SDK1: variants seen among roughly 807,000 people sequenced by gnomAD.
SDK1 encodes the protein sidekick cell adhesion molecule 1.
Under a neutral mutation model 245.5 loss-of-function variants are expected in SDK1, and 157 were observed. That is an observed-to-expected ratio of 0.64 (90% CI 0.56 to 0.73). The LOEUF (loss-of-function observed/expected upper bound fraction) is 0.73, where lower values mean the gene tolerates loss of function less well. Ranked by LOEUF, SDK1 falls within the 30% of genes least tolerant of loss-of-function variation. SDK1 has a pLI of 0.00. For missense variants in SDK1, 3,583 were observed against 3,002.3 expected (o/e 1.19, Z -4.52); for synonymous variants, 1,647 against 1,278.5 (o/e 1.29, Z -6.15).
intron 1 of SDK1, among the ~76,000 whole-genome samples, chr7:3,478,199 C>G (rs1384267420): frequency 1.3e-5 from 2 of 151,998 alleles, no homozygotes; most frequent in Admixed American, 1.3e-4. Context: ...TGGCCATTAC[C>G]TCCCCTTTAT....
intron 1 of SDK1, among the ~76,000 whole-genome samples, chr7:3,550,374 T>A (rs1354182294): frequency 1.3e-5 from 2 of 152,184 alleles, no homozygotes; most frequent in Non-Finnish European, 2.9e-5. Flanking sequence ...ATACTCACAA[T>A]CAACATACTG....
At position 3,927,248 on chromosome 7, in the gene SDK1, C is replaced by T. The variant is rs1446364975; in HGVS notation, c.848-23675C>T. On this transcript the variant is annotated intron_variant, in intron 5 of 44. Coordinates refer to ENST00000404826, the MANE Select transcript of SDK1 (RefSeq NM_152744.4). The stretch of plus-strand genomic sequence containing the variant: ...CAGAATTCTTTTCTTAAAAAAGTAA[C>T]GTTCCAAAGCAACCATATTGCTAAT... Among the ~76,000 whole-genome samples the T allele has an allele frequency of 1.6e-4, 24 of 152,200 alleles. No homozygotes were observed. The South Asian group carries it at 4.8e-3, about 30-fold the overall frequency.
At chr7:4,169,553 G>A (rs759803873) in intron 32 of SDK1, among the ~76,000 whole-genome samples, 6 of 152,144 alleles carry the variant, frequency 3.9e-5, no homozygotes, top group Admixed American at 2.6e-4. Context: ...TGAGCTCGCC[G>A]TCTCTGAGGC....
intron 5 of SDK1, among the ~76,000 whole-genome samples, chr7:3,919,301 C>T (rs759910204): frequency 9.9e-5 from 15 of 152,204 alleles, no homozygotes; most frequent in Non-Finnish European, 1.3e-4. Context: ...GGGTGCATGG[C>T]CGGCCTTGCA....
At chr7:3,756,880 C>G (rs1779947740) in intron 4 of SDK1, among the ~76,000 whole-genome samples, 1 of 152,136 alleles carries the variant, frequency 6.6e-6, no homozygotes, top group African/African-American at 2.4e-5. Flanking sequence ...ATCGGGGGCA[C>G]CGGTCATCAC....
At chr7:3,665,076 G>T (rs555744880) in intron 4 of SDK1, among the ~76,000 whole-genome samples, 6 of 152,290 alleles carry the variant, frequency 3.9e-5, no homozygotes, top group African/African-American at 1.2e-4. Context: ...ATGTAAGTCT[G>T]TAAGAAAGAG....
intron 4 of SDK1, among the ~76,000 whole-genome samples, chr7:3,787,321 T>C (rs1371812507): frequency 6.6e-6 from 1 of 152,134 alleles, no homozygotes; most frequent in Non-Finnish European, 1.5e-5. Context: ...GCATCTAAAC[T>C]CTGATTAACT....
intron 1 of SDK1, among the ~76,000 whole-genome samples, chr7:3,393,051 A>G (rs777037525): frequency 1.3e-4 from 18 of 139,970 alleles, no homozygotes; most frequent in African/African-American, 3.2e-4. Flanking sequence ...GCTCACTGCA[A>G]TCTCCGCCTC....
intron 1 of SDK1, among the ~76,000 whole-genome samples, chr7:3,414,102 CAT>C (rs1228104542): frequency 6.6e-6 from 1 of 152,048 alleles, no homozygotes; most frequent in East Asian, 1.9e-4. Context: ...CCTTGGAAGA[CAT>C]ATTTTTGCAG....
intron 1 of SDK1, among the ~76,000 whole-genome samples, chr7:3,435,496 A>G (rs1341750380): frequency 6.6e-6 from 1 of 150,544 alleles, no homozygotes; most frequent in Non-Finnish European, 1.5e-5. Flanking sequence ...ACGCCCAGCT[A>G]ATTATTATGA....
At chr7:3,867,880 C>A (rs969612278) in intron 5 of SDK1, among the ~76,000 whole-genome samples, 5 of 152,166 alleles carry the variant, frequency 3.3e-5, no homozygotes, top group Non-Finnish European at 7.3e-5. Flanking sequence ...ATCTCTGCTG[C>A]ATGAACATGT....
chr7:3,889,513 C>T (rs560916633), intron 5 of SDK1, among the ~76,000 whole-genome samples: 3 of 146,652 alleles, frequency 2.0e-5, no homozygotes, highest in Admixed American at 6.8e-5. Context: ...CTAGATGATT[C>T]TTTTTTTTTT....
chr7:3,682,271 C>T (rs1456638587), intron 4 of SDK1, among the ~76,000 whole-genome samples: 1 of 152,208 alleles, frequency 6.6e-6, no homozygotes, highest in Non-Finnish European at 1.5e-5. Context: ...GCTTACTAAA[C>T]AGCAGAGCTG....
chr7:3,989,205 G>T (rs1784104607), intron 14 of SDK1, among the ~76,000 whole-genome samples: 1 of 152,224 alleles, frequency 6.6e-6, no homozygotes, highest in African/African-American at 2.4e-5. Context: ...GTTCCACGTG[G>T]CTAGGAAAGC....
At chr7:3,937,579 G>A (rs1780204758) in intron 5 of SDK1, among the ~76,000 whole-genome samples, 1 of 152,200 alleles carries the variant, frequency 6.6e-6, no homozygotes, top group South Asian at 2.1e-4. Flanking sequence ...GGTGTTCGCT[G>A]GACGGATCTA....
chr7:4,165,407 A>G (rs1781443019), intron 32 of SDK1, among the ~76,000 whole-genome samples: 1 of 152,120 alleles, frequency 6.6e-6, no homozygotes, highest in African/African-American at 2.4e-5. Context: ...AGGCTTATAG[A>G]CCCATTTAAA....
At chr7:4,151,174 A>G (rs1375857697) in intron 30 of SDK1, among the ~76,000 whole-genome samples, 1 of 152,134 alleles carries the variant, frequency 6.6e-6, no homozygotes, top group Non-Finnish European at 1.5e-5. Flanking sequence ...GGTCACACGG[A>G]CCATCGGGAA....
intron 4 of SDK1, among the ~76,000 whole-genome samples, chr7:3,651,127 T>A (rs1783000668): frequency 1.2e-5 from 1 of 82,516 alleles, no homozygotes; most frequent in Non-Finnish European, 2.4e-5. Context: ...ATGTTTAGTT[T>A]TAGTTTTTTT....
intron 4 of SDK1, among the ~76,000 whole-genome samples, chr7:3,800,483 G>C (rs1451395720): frequency 6.6e-6 from 1 of 152,026 alleles, no homozygotes; most frequent in Non-Finnish European, 1.5e-5. Flanking sequence ...CTGGGTTTAA[G>C]AGATTCTCCT....
Sources: gnomAD v4.1 joint callset for allele counts (sites outside exome capture counted in the v4.1 genomes callset) on GRCh38, gnomAD v4.1.1 for gene constraint, MANE v1.5 for transcripts, NCBI Gene and HGNC (gene_info 2026-07-23, HGNC 2026-07-21) for gene names.